The following LAMA3 variants were observed in gnomAD, a reference collection of about 807,000 sequenced individuals.
LAMA3 encodes the protein laminin subunit alpha-3.
LAMA3 carries 281 observed loss-of-function variants against 402.0 expected under a neutral mutation model. The ratio of observed to expected loss-of-function variants is 0.70; its 90% CI spans 0.63 to 0.77. The LOEUF is 0.77. Ranked by LOEUF, LAMA3 falls within the 30% of genes least tolerant of loss-of-function variation. The pLI is 0.00. For missense variants in LAMA3, 3,840 were observed against 4,215.5 expected, an observed-to-expected ratio of 0.91 and a Z score of 2.47; for synonymous variants, 1,431 against 1,558.4, an observed-to-expected ratio of 0.92 and a Z score of 1.93.
At chr18:23,741,182 A>G (rs989829395) in intron 2 of LAMA3, among the ~76,000 whole-genome samples, 1 of 151,800 alleles carries the variant, frequency 6.6e-6, no homozygotes, top group African/African-American at 2.4e-5. Context: ...GAGAGTCTCG[A>G]TCTCCTGACC....
intron 67 of LAMA3, among the ~76,000 whole-genome samples, chr18:23,935,275 G>A (rs906864620): frequency 3.3e-5 from 5 of 152,254 alleles, no homozygotes; most frequent in African/African-American, 9.6e-5. Flanking sequence ...AGAAGGACAC[G>A]TATTTGGAGG....
intron 2 of LAMA3, among the ~76,000 whole-genome samples, chr18:23,735,808 C>T (rs559700390): frequency 2.6e-5 from 4 of 152,138 alleles, no homozygotes; most frequent in Non-Finnish European, 5.9e-5. Context: ...GCATGCACAG[C>T]TCTGCCTCAT....
At chr18:23,823,343 A>G (rs1390483951) in intron 20 of LAMA3, among the ~76,000 whole-genome samples, 4 of 152,102 alleles carry the variant, frequency 2.6e-5, no homozygotes, top group African/African-American at 9.7e-5. Flanking sequence ...CAGATTCCAA[A>G]CTCTTAACAG....
chr18:23,847,919 CCAG>C (rs1003032778), intron 32 of LAMA3, among the ~76,000 whole-genome samples: 4 of 152,220 alleles, frequency 2.6e-5, no homozygotes, highest in African/African-American at 7.2e-5. Flanking sequence ...CCCATTGACT[CCAG>C]CATGCTGTCA....
At chr18:23,876,961 CA>C (rs2064740411) in intron 39 of LAMA3, among the ~76,000 whole-genome samples, 1 of 152,200 alleles carries the variant, frequency 6.6e-6, no homozygotes, top group African/African-American at 2.4e-5. Context: ...GCAGAGGTTG[CA>C]CTGAGCCGAG....
Position 23,921,437 on chromosome 18 carries a change from T to A in LAMA3, c.8044-15T>A. On this transcript the variant is annotated splice_polypyrimidine_tract_variant and intron_variant, in intron 61 of 74. Coordinates refer to ENST00000313654, the MANE Select transcript of LAMA3 (RefSeq NM_198129.4). ...ATTTTCGCTGGCTTGCTGATTCATCTCTCATTTATTTCAGATTCAGATCAA... is the reference window on the plus strand; with the variant it reads ...ATTTTCGCTGGCTTGCTGATTCATCACTCATTTATTTCAGATTCAGATCAA... The A allele has an allele frequency of 6.2e-7, 1 of 1,611,446 alleles. No homozygotes were observed. Among genetic ancestry groups the A allele is most frequent in the Non-Finnish European group, 8.5e-7 (1 of 1,179,016 alleles).
Position 23,914,921 on chromosome 18 carries a change from A to C in LAMA3, c.7644+61A>C, listed in dbSNP as rs868652339. On this transcript the variant is annotated intron_variant, in intron 58 of 74. Coordinates refer to ENST00000313654, the MANE Select transcript of LAMA3 (RefSeq NM_198129.4). ...AAAATTTTAATTTGGTATGGTGATG[A>C]CCTCATGTCTCTAATTGTTAATTAC... 7 of 1,308,080 alleles carry C rather than the reference A, an allele frequency of 5.4e-6. No homozygotes were observed. In the Middle Eastern group the frequency reaches 1.2e-3, roughly 220 times the overall value. 81.0% of individuals were successfully genotyped at this position (1,308,080 alleles called of 1,614,324 possible). A position where few individuals can be genotyped will look rare whatever the true frequency, so the allele number is the denominator to read the frequency against.
Position 23,901,230 on chromosome 18 carries a change from T to C in LAMA3, c.6108T>C (p.Ser2036=). Reference sequence around the variant, plus strand: ...TAAATGAATACGAAGCCAAACTCAGTGACCTTCGTGCTCGGCTGCAGGAGG... The same window carrying C: ...TAAATGAATACGAAGCCAAACTCAGCGACCTTCGTGCTCGGCTGCAGGAGG... ...DSLNEYEAKL[S]DLRARLQEAA... is the part of the protein sequence containing the mutation. The change falls in exon 48 of 75, where the codon AGT becomes AGC. Residue 2036 remains serine, a synonymous_variant. Coordinates refer to ENST00000313654, the MANE Select transcript of LAMA3 (RefSeq NM_198129.4). 1 of 1,614,208 alleles carries C rather than the reference T, an allele frequency of 6.2e-7. No homozygotes were observed. Among genetic ancestry groups the C allele is most frequent in the Non-Finnish European group, 8.5e-7 (1 of 1,180,022 alleles).
chr18:23,871,689 T>G (rs2144817602), intron 38 of LAMA3, 28 bp downstream of exon 38: 1 of 1,554,892 alleles, frequency 6.4e-7, no homozygotes, highest in African/African-American at 1.4e-5. Flanking sequence ...CCGCAACATT[T>G]CCCTAGGGAG....
intron 2 of LAMA3, among the ~76,000 whole-genome samples, chr18:23,741,781 T>C (rs984784496): frequency 6.6e-6 from 1 of 152,168 alleles, no homozygotes; most frequent in Admixed American, 6.5e-5. Flanking sequence ...TTATCAATAA[T>C]AGGACAGCTT....
chr18:23,837,570 G>GACATATATATATAT (rs1555707624), intron 25 of LAMA3, among the ~76,000 whole-genome samples: 1 of 83,284 alleles, frequency 1.2e-5, no homozygotes, highest in Non-Finnish European at 2.3e-5. Context: ...CAGTTAATCA[G>GACATATATATATAT]ATATATATAT....
Position 23,944,005 on chromosome 18 carries a change from G to A in LAMA3, c.9210+34G>A, listed in dbSNP as rs745543055. 5.6e-6 allele frequency: 9 copies of A among 1,600,950 alleles called. No individual in the cohort carries two copies. In the Admixed American group the frequency reaches 1.4e-4, roughly 24 times the overall value. On this transcript the variant is annotated intron_variant, in intron 69 of 74. Coordinates refer to ENST00000313654, the MANE Select transcript of LAMA3 (RefSeq NM_198129.4). ...TGGGGCTGTGTCAGTATCTCCAGTT[G>A]GTGTGGAATTCACTGTTGGAGTCGC...
intron 74 of LAMA3, 126 bp from the exon 75 acceptor site, chr18:23,954,377 T>C (rs2083036014): frequency 1.3e-6 from 1 of 791,542 alleles, no homozygotes; most frequent in Non-Finnish European, 2.0e-6. Flanking sequence ...TACTTCAGCC[T>C]GGGTAACAGA....
At chr18:23,707,898 G>A (rs1401576177) in intron 1 of LAMA3, among the ~76,000 whole-genome samples, 3 of 152,110 alleles carry the variant, frequency 2.0e-5, no homozygotes, top group Non-Finnish European at 4.4e-5. Flanking sequence ...CCAGCTAAAG[G>A]AAGCAAAATT....
At chr18:23,917,158 A>G (rs1196128484) in intron 60 of LAMA3, among the ~76,000 whole-genome samples, 1 of 152,128 alleles carries the variant, frequency 6.6e-6, no homozygotes, top group Admixed American at 6.6e-5. Flanking sequence ...GTTTAGGATT[A>G]TGGCCTCCAG....
chr18:23,943,726 T>C, intron 68 of LAMA3, 62 bp from the exon 69 acceptor site: 2 of 1,499,188 alleles, frequency 1.3e-6, no homozygotes, highest in Non-Finnish European at 1.9e-6. Context: ...TCTGTCTCAG[T>C]GCTGAGATTC....
chr18:23,711,695 C>T (rs921292524), intron 1 of LAMA3, among the ~76,000 whole-genome samples: 1 of 152,162 alleles, frequency 6.6e-6, no homozygotes, highest in Non-Finnish European at 1.5e-5. Context: ...ACATTCCACT[C>T]TCTTTCCTCA....
At chr18:23,858,030 G>A in intron 33 of LAMA3, 42 bp downstream of exon 33, 1 of 1,612,742 alleles carries the variant, frequency 6.2e-7, no homozygotes, top group Non-Finnish European at 8.5e-7. Flanking sequence ...CTGCCGGTCA[G>A]CAGGAAAGTG....
intron 52 of LAMA3, among the ~76,000 whole-genome samples, chr18:23,906,222 G>A (rs926765162): frequency 2.6e-5 from 4 of 152,102 alleles, no homozygotes; most frequent in Admixed American, 6.5e-5. Context: ...GGCCTTGGTG[G>A]GGAGGCTATT....
Sources: gnomAD v4.1 joint callset for allele counts (sites outside exome capture counted in the v4.1 genomes callset) on GRCh38, gnomAD v4.1.1 for gene constraint, MANE v1.5 for transcripts, NCBI Gene and HGNC (gene_info 2026-07-23, HGNC 2026-07-21) for gene names.